Variants in ZBTB20 observed in about 807,000 individuals in gnomAD.
ZBTB20 encodes zinc finger and BTB domain-containing protein 20.
Under a neutral mutation model 56.9 loss-of-function variants are expected in ZBTB20, and 9 were observed. The observed-to-expected ratio is 0.16, with a 90% CI of 0.10 to 0.28. ZBTB20 has a LOEUF of 0.28. ZBTB20 is among the 10% of genes least tolerant of loss of function. The pLI, the probability that ZBTB20 is intolerant of heterozygous loss-of-function variation, is 1.00. For synonymous variants in ZBTB20, 417 were observed against 420.7 expected (o/e 0.99, Z 0.11); for missense variants, 655 against 1,003.0 (o/e 0.65, Z 4.69).
At chr3:114,531,923 G>A (rs2047891387) in intron 6 of ZBTB20, among the ~76,000 whole-genome samples, 1 of 152,174 alleles carries the variant, frequency 6.6e-6, no homozygotes, top group African/African-American at 2.4e-5. Flanking sequence ...AAAGCCGCGA[G>A]GGACTGTGCC....
At chr3:114,794,053 G>A (rs547980285) in intron 5 of ZBTB20, among the ~76,000 whole-genome samples, 2 of 151,834 alleles carry the variant, frequency 1.3e-5, no homozygotes, top group Admixed American at 6.6e-5. Flanking sequence ...CACCAAGCAG[G>A]AGATAGCACA....
At chr3:114,521,548 C>T (rs1404788569) in intron 6 of ZBTB20, among the ~76,000 whole-genome samples, 1 of 152,156 alleles carries the variant, frequency 6.6e-6, no homozygotes, top group Non-Finnish European at 1.5e-5. Context: ...CTACCTCTCT[C>T]ATCCCCATTG....
At chr3:115,145,833 T>C (rs1226105973) in intron 1 of ZBTB20, among the ~76,000 whole-genome samples, 1 of 152,200 alleles carries the variant, frequency 6.6e-6, no homozygotes, top group African/African-American at 2.4e-5. Flanking sequence ...AGCTATTTAT[T>C]TATAAAATGG....
intron 4 of ZBTB20, among the ~76,000 whole-genome samples, chr3:114,875,245 TAATAATAAC>T (rs1411181272): frequency 3.3e-5 from 5 of 152,096 alleles, no homozygotes; most frequent in African/African-American, 4.8e-5. Flanking sequence ...AAAGAAATAA[TAATAATAAC>T]AATAATAAGC....
At chr3:114,872,763 C>T (rs2076058875) in intron 4 of ZBTB20, among the ~76,000 whole-genome samples, 1 of 152,064 alleles carries the variant, frequency 6.6e-6, no homozygotes, top group African/African-American at 2.4e-5. Context: ...CTAGTAACTG[C>T]AAGTGCCAAA....
In ZBTB20 at chr3:114,333,903, G is replaced by A. The variant is rs2108056764; in HGVS notation, c.*5102C>T. The A allele has an allele frequency of 6.6e-6, 1 of 152,230 alleles. No homozygotes were observed. Among genetic ancestry groups the A allele is most frequent in the East Asian group, 1.9e-4 (1 of 5,188 alleles). The allele number at this position is 152,230 out of a possible 1,614,324, so 9.4% of individuals were successfully genotyped here. A position where few individuals can be genotyped will look rare whatever the true frequency, so the allele number is the denominator to read the frequency against. Reference sequence around the variant, plus strand: ...GCTGAATACATTTTGCAATTCTTTTGTTCTCTGCCCTAGAGCTTCCATTAC... The same window carrying A: ...GCTGAATACATTTTGCAATTCTTTTATTCTCTGCCCTAGAGCTTCCATTAC... On this transcript the variant is annotated 3_prime_UTR_variant, in exon 12 of 12. Transcript: ENST00000675478.
chr3:114,331,447 G>T lies in ZBTB20; in HGVS notation c.*7558C>A, dbSNP rs923346797. On this transcript the variant is annotated 3_prime_UTR_variant, in exon 12 of 12. Coordinates refer to ENST00000675478, the MANE Select transcript of ZBTB20 (RefSeq NM_001348800.3). ...GAGTGGGCAGGTGACTGCTTCCTGGGAAGGGAGCCACAAGTCTTAAACACA... is the reference window on the plus strand; with the variant it reads ...GAGTGGGCAGGTGACTGCTTCCTGGTAAGGGAGCCACAAGTCTTAAACACA... The T allele has an allele frequency of 1.9e-4, 29 of 152,220 alleles. No homozygotes were observed. The highest frequency in any genetic ancestry group is 7.0e-4 in the African/African-American group (29 of 41,460). The allele number at this position is 152,220 out of a possible 1,614,324, so 9.4% of individuals were successfully genotyped here.
chr3:114,976,806 T>A (rs1560455426), intron 2 of ZBTB20, among the ~76,000 whole-genome samples: 1 of 152,204 alleles, frequency 6.6e-6, no homozygotes, highest in Non-Finnish European at 1.5e-5. Flanking sequence ...AGGCATTTAC[T>A]GTTATTTTCC....
intron 3 of ZBTB20, among the ~76,000 whole-genome samples, chr3:114,968,385 T>C (rs1006265231): frequency 6.6e-6 from 1 of 152,216 alleles, no homozygotes; most frequent in African/African-American, 2.4e-5. Context: ...ATTTGACAAA[T>C]GCATCTAATA....
chr3:115,064,836 T>C (rs1252526987), intron 2 of ZBTB20, among the ~76,000 whole-genome samples: 8 of 152,310 alleles, frequency 5.3e-5, no homozygotes, highest in Non-Finnish European at 8.8e-5. Context: ...CTTGAGCCAA[T>C]GTATGAGGCC....
intron 1 of ZBTB20, among the ~76,000 whole-genome samples, chr3:115,088,376 T>G (rs905966176): frequency 2.0e-5 from 3 of 151,838 alleles, no homozygotes; most frequent in African/African-American, 7.2e-5. Flanking sequence ...GTAAGTCTGC[T>G]AAAGACAAGA....
chr3:114,511,612 A>G (rs1326430107), intron 6 of ZBTB20, among the ~76,000 whole-genome samples: 1 of 152,110 alleles, frequency 6.6e-6, no homozygotes, highest in Non-Finnish European at 1.5e-5. Flanking sequence ...CAGGAATTCT[A>G]TAATTCTTAG....
At chr3:114,445,109 A>C (rs185569655) in intron 7 of ZBTB20, among the ~76,000 whole-genome samples, 104 of 152,328 alleles carry the variant, frequency 6.8e-4, no homozygotes, top group African/African-American at 2.4e-3. Flanking sequence ...AAACAATAGC[A>C]TAACAAGTTG....
intron 10 of ZBTB20, among the ~76,000 whole-genome samples, chr3:114,354,338 C>A (rs2080992729): frequency 6.6e-6 from 1 of 152,124 alleles, no homozygotes; most frequent in African/African-American, 2.4e-5. Flanking sequence ...TTTTTCTACA[C>A]AAGTGAAAAC....
At chr3:114,923,754 A>C (rs2076047437) in intron 3 of ZBTB20, among the ~76,000 whole-genome samples, 1 of 152,204 alleles carries the variant, frequency 6.6e-6, no homozygotes, top group African/African-American at 2.4e-5. Context: ...TTCACAGCAA[A>C]GGAAACAAAA....
intron 6 of ZBTB20, among the ~76,000 whole-genome samples, chr3:114,683,929 G>C (rs955976763): frequency 2.6e-5 from 4 of 152,096 alleles, no homozygotes; most frequent in Non-Finnish European, 4.4e-5. Context: ...CTTGGGGTGG[G>C]GGGCAGTGGT....
chr3:114,390,095 C>A (rs2085685805), intron 7 of ZBTB20, among the ~76,000 whole-genome samples: 1 of 152,060 alleles, frequency 6.6e-6, no homozygotes, highest in Admixed American at 6.5e-5. Context: ...CAGCGTCTGG[C>A]AGCCACCATT....
chr3:115,108,175 T>C (rs935983949), intron 1 of ZBTB20, among the ~76,000 whole-genome samples: 1 of 152,082 alleles, frequency 6.6e-6, no homozygotes, highest in Non-Finnish European at 1.5e-5. Context: ...CATACAACTA[T>C]CAGAATTTCA....
intron 6 of ZBTB20, chr3:114,518,811 A>C (rs1309700448): frequency 1.3e-5 from 2 of 152,226 alleles, no homozygotes; most frequent in Non-Finnish European, 2.9e-5. Flanking sequence ...TTTTGCCCCC[A>C]GTCAGGGGAT....
Sources: allele counts gnomAD v4.1 joint callset (sites outside exome capture counted in the v4.1 genomes callset), GRCh38; gene constraint gnomAD v4.1.1; transcripts MANE v1.5; gene names NCBI Gene and HGNC (gene_info 2026-07-23, HGNC 2026-07-21).